ADCY2: variants seen among roughly 807,000 people sequenced by gnomAD.
ADCY2 encodes adenylate cyclase type 2.
A neutral mutation model predicts 125.2 loss-of-function variants in ADCY2; 31 were observed. The ratio of observed to expected loss-of-function variants is 0.25; its 90% CI spans 0.19 to 0.33. The LOEUF (loss-of-function observed/expected upper bound fraction) is 0.33. ADCY2 is among the 10% of genes least tolerant of loss of function. The probability of loss-of-function intolerance (pLI) is 1.00; values close to 1 mark genes in which losing one functional copy is unlikely to be tolerated. For synonymous variants in ADCY2, 512 were observed against 548.4 expected (o/e 0.93, Z 0.93); for missense variants, 904 against 1,418.2 (o/e 0.64, Z 5.82).
chr5:7,536,188 T>A (rs953759829), intron 3 of ADCY2, among the ~76,000 whole-genome samples: 2 of 152,228 alleles, frequency 1.3e-5, no homozygotes, highest in East Asian at 1.9e-4. Context: ...TGGGCTTTCT[T>A]CTGGCCAATC....
intron 3 of ADCY2, among the ~76,000 whole-genome samples, chr5:7,610,533 A>G (rs144928307): frequency 9.5e-4 from 145 of 152,302 alleles, no homozygotes; most frequent in African/African-American, 3.3e-3. Flanking sequence ...CAGGAGAGAC[A>G]GGGATCAAGA....
chr5:7,521,839 A>G (rs1448118669), intron 3 of ADCY2, among the ~76,000 whole-genome samples: 2 of 152,318 alleles, frequency 1.3e-5, no homozygotes, highest in East Asian at 3.9e-4. Flanking sequence ...CTCATCTCCT[A>G]CTGCTTATCA....
chr5:7,803,445 A>G lies in ADCY2; in HGVS notation c.2775+1081A>G, dbSNP rs187019798. ...TTGAGCCCTGCCCTCCTGAGCGGGT[A>G]TAGACCTTCCAGGGCATCCTTCATG... On this transcript the variant is annotated intron_variant, in intron 21 of 24. Transcript: ENST00000338316. Among the ~76,000 whole-genome samples, 474 of 152,312 alleles carry G rather than the reference A, an allele frequency of 3.1e-3. 5 individuals carry two copies. The highest frequency in any genetic ancestry group is 0.011 in the African/African-American group (447 of 41,572).
chr5:7,426,893 A>C (rs1740407523), intron 2 of ADCY2, among the ~76,000 whole-genome samples: 1 of 152,168 alleles, frequency 6.6e-6, no homozygotes, highest in Non-Finnish European at 1.5e-5. Context: ...TTTAGGAGAG[A>C]AAAGCTTTGC....
Position 7,774,470 on chromosome 5 carries a change from C to T in ADCY2, c.2384+1369C>T, listed in dbSNP as rs139642925. 2.0e-4 allele frequency among the ~76,000 whole-genome samples: 30 copies of T among 152,294 alleles called. No homozygotes were observed. In the East Asian group the frequency reaches 3.3e-3, roughly 17 times the overall value. The stretch of plus-strand genomic sequence containing the variant: ...ATTGATTTTCACGCGCAGCTGATAA[C>T]GCTACTAAGTTTCCTTTTATTAAAT... On this transcript the variant is annotated intron_variant, in intron 18 of 24. Transcript: ENST00000338316.
intron 4 of ADCY2, among the ~76,000 whole-genome samples, chr5:7,632,072 A>AAT: frequency 6.6e-6 from 1 of 152,160 alleles, no homozygotes; most frequent in African/African-American, 2.4e-5. Flanking sequence ...AGAGGAATTC[A>AAT]AGCCAGTGAG....
intron 4 of ADCY2, among the ~76,000 whole-genome samples, chr5:7,683,263 C>A (rs892982182): frequency 1.3e-5 from 2 of 152,202 alleles, no homozygotes; most frequent in Non-Finnish European, 2.9e-5. Context: ...AGCTTGTGGG[C>A]ACACCACGTG....
chr5:7,668,261 G>A (rs1237435798), intron 4 of ADCY2, among the ~76,000 whole-genome samples: 1 of 152,118 alleles, frequency 6.6e-6, no homozygotes, highest in Non-Finnish European at 1.5e-5. Flanking sequence ...CTATAATGCG[G>A]GTGAGCCTCA....
At chr5:7,449,218 C>G (rs548569758) in intron 2 of ADCY2, among the ~76,000 whole-genome samples, 9 of 152,254 alleles carry the variant, frequency 5.9e-5, no homozygotes, top group Admixed American at 1.3e-4. Flanking sequence ...TTGCATTTCT[C>G]TAATGACTGC....
intron 2 of ADCY2, among the ~76,000 whole-genome samples, chr5:7,510,048 A>G (rs1383603288): frequency 6.6e-6 from 1 of 152,230 alleles, no homozygotes; most frequent in Non-Finnish European, 1.5e-5. Flanking sequence ...TGGGGTAATG[A>G]TGACACAGAG....
At chr5:7,417,814 A>T (rs181843856) in intron 2 of ADCY2, among the ~76,000 whole-genome samples, 8 of 152,332 alleles carry the variant, frequency 5.3e-5, no homozygotes, top group Non-Finnish European at 1.2e-4. Context: ...CTGCTGGAAC[A>T]TAAACTTCTG....
chr5:7,767,591 AT>A (rs1250311999), intron 17 of ADCY2, among the ~76,000 whole-genome samples: 1 of 152,182 alleles, frequency 6.6e-6, no homozygotes. Flanking sequence ...CTTACCAAAA[AT>A]TTTAACTCCG....
intron 16 of ADCY2, among the ~76,000 whole-genome samples, chr5:7,762,386 G>C (rs1304827757): frequency 6.6e-6 from 1 of 152,240 alleles, no homozygotes; most frequent in East Asian, 1.9e-4. Context: ...CACACCTGAG[G>C]ATCTGCAGAT....
In ADCY2 at chr5:7,763,916, G is replaced by C. The variant is rs945535479; in HGVS notation, c.2095-2771G>C. On this transcript the variant is annotated intron_variant, in intron 16 of 24. Coordinates refer to ENST00000338316, the MANE Select transcript of ADCY2 (RefSeq NM_020546.3). ...CTTGAGGCTGCCCTGACCTGTCCCT[G>C]CTGTTGACTGGGTGGATGGGCTGGT... 2.0e-5 allele frequency among the ~76,000 whole-genome samples: 3 copies of C among 152,310 alleles called. No homozygotes were observed. The South Asian group carries it at 6.2e-4, about 32-fold the overall frequency.
intron 3 of ADCY2, among the ~76,000 whole-genome samples, chr5:7,596,285 C>T (rs974782001): frequency 6.7e-6 from 1 of 149,240 alleles, no homozygotes; most frequent in Non-Finnish European, 1.5e-5. Context: ...TCCCCCCCCC[C>T]ACCAGTTAGC....
At chr5:7,817,501 A>C (rs1391088380) in intron 23 of ADCY2, among the ~76,000 whole-genome samples, 1 of 152,196 alleles carries the variant, frequency 6.6e-6, no homozygotes, top group African/African-American at 2.4e-5. Context: ...CTAGAGAAAA[A>C]AAAATCCAGC....
At chr5:7,591,733 A>C (rs1736854067) in intron 3 of ADCY2, among the ~76,000 whole-genome samples, 2 of 152,204 alleles carry the variant, frequency 1.3e-5, no homozygotes, top group Admixed American at 1.3e-4. Context: ...AAACCCAGGA[A>C]GGCAATCCAC....
chr5:7,425,368 C>T (rs1015871511), intron 2 of ADCY2, among the ~76,000 whole-genome samples: 22 of 152,302 alleles, frequency 1.4e-4, no homozygotes, highest in East Asian at 1.2e-3. Flanking sequence ...TCCAACTACT[C>T]GAGCATTAAG....
chr5:7,777,594 C>T (rs751233439), intron 18 of ADCY2, among the ~76,000 whole-genome samples: 3 of 152,174 alleles, frequency 2.0e-5, no homozygotes, highest in Non-Finnish European at 4.4e-5. Flanking sequence ...GAAGGCATCT[C>T]TGTTTAAAGG....
Sources: allele counts gnomAD v4.1 joint callset (sites outside exome capture counted in the v4.1 genomes callset), GRCh38; gene constraint gnomAD v4.1.1; transcripts MANE v1.5; gene names NCBI Gene and HGNC (gene_info 2026-07-23, HGNC 2026-07-21).